The following HECTD4 variants were observed in gnomAD, a reference collection of about 807,000 sequenced individuals.
The protein encoded by HECTD4 is probable E3 ubiquitin-protein ligase HECTD4.
HECTD4 carries 114 observed loss-of-function variants against 471.5 expected under a neutral mutation model. The observed-to-expected ratio is 0.24, with a 90% CI of 0.21 to 0.28. The LOEUF is 0.28. HECTD4 is among the 10% of genes least tolerant of loss of function. HECTD4 has a pLI of 1.00. For synonymous variants in HECTD4, 2,012 were observed against 2,256.0 expected (o/e 0.89, Z 3.07); for missense variants, 3,866 against 5,651.5 (o/e 0.68, Z 10.13).
At chr12:112,284,531 G>T (rs1158136663) in intron 7 of HECTD4, among the ~76,000 whole-genome samples, 1 of 152,236 alleles carries the variant, frequency 6.6e-6, no homozygotes, top group African/African-American at 2.4e-5. Flanking sequence ...CCAAAGGTGG[G>T]TGTACGTAGT....
chr12:112,233,353 G>C (rs1425706698), intron 37 of HECTD4, among the ~76,000 whole-genome samples: 1 of 149,610 alleles, frequency 6.7e-6, no homozygotes, highest in Non-Finnish European at 1.5e-5. Flanking sequence ...CTCCCAAACA[G>C]CTGGGACCAC....
chr12:112,275,385 C>G (rs933393778), intron 9 of HECTD4, among the ~76,000 whole-genome samples: 4 of 152,166 alleles, frequency 2.6e-5, no homozygotes, highest in Non-Finnish European at 5.9e-5. Flanking sequence ...AATACTGGCT[C>G]TACAACTTGG....
intron 7 of HECTD4, among the ~76,000 whole-genome samples, chr12:112,294,423 TAGG>T (rs2034960282): frequency 6.6e-6 from 1 of 152,244 alleles, no homozygotes; most frequent in Non-Finnish European, 1.5e-5. Flanking sequence ...CAGCAAATCA[TAGG>T]AGGTCTATGG....
At chr12:112,169,380 C>T in intron 70 of HECTD4, 123 bp downstream of exon 70, 1 of 1,141,002 alleles carries the variant, frequency 8.8e-7, no homozygotes, top group South Asian at 1.6e-5. Flanking sequence ...GACCTGGCTT[C>T]TGCAGCACAA....
Position 112,235,437 on chromosome 12 carries a change from A to AG in HECTD4, c.5725+66dup. ...TTTCATCATAGGAAGCACAGATGCAAGGGGGACCTGACTGGGCACAGGAAT... is the reference window on the plus strand; with the variant it reads ...TTTCATCATAGGAAGCACAGATGCAAGGGGGGACCTGACTGGGCACAGGAAT... On this transcript the variant is annotated intron_variant, in intron 36 of 75. Coordinates refer to ENST00000682272, the MANE Select transcript of HECTD4 (RefSeq NM_001388303.1). This position sits in a 1 kb window ranked among gnomAD's most constrained non-coding sequence, Gnocchi z 5.0. 6.5e-7 allele frequency: 1 copy of AG among 1,537,328 alleles called. No homozygotes were observed. The highest frequency in any genetic ancestry group is 8.8e-7 in the Non-Finnish European group (1 of 1,140,636).
intron 1 of HECTD4, among the ~76,000 whole-genome samples, chr12:112,332,823 A>AC (rs1594052334): frequency 6.6e-6 from 1 of 150,946 alleles, no homozygotes; most frequent in African/African-American, 2.4e-5. Context: ...AAAAAAAAAA[A>AC]CAAAAATCCT....
chr12:112,380,603 C>T (rs994796807), intron 1 of HECTD4, among the ~76,000 whole-genome samples: 10 of 152,130 alleles, frequency 6.6e-5, no homozygotes, highest in Non-Finnish European at 1.5e-4. Flanking sequence ...TGTTATAGAA[C>T]AGGCCCAAAT....
chr12:112,254,469 GTACA>G (rs1214325280), intron 21 of HECTD4, among the ~76,000 whole-genome samples: 1 of 152,044 alleles, frequency 6.6e-6, no homozygotes, highest in Admixed American at 6.6e-5. Flanking sequence ...CTCAGTTATT[GTACA>G]TCAATATTTT....
At chr12:112,372,064 C>T (rs1192455353) in intron 1 of HECTD4, among the ~76,000 whole-genome samples, 1 of 151,582 alleles carries the variant, frequency 6.6e-6, no homozygotes, top group South Asian at 2.1e-4. Flanking sequence ...CAACATAGCA[C>T]CTTATAAAGA....
At chr12:112,357,985 T>C (rs2036376216) in intron 1 of HECTD4, among the ~76,000 whole-genome samples, 2 of 152,202 alleles carry the variant, frequency 1.3e-5, no homozygotes, top group South Asian at 4.2e-4. Context: ...GGCGGATCAC[T>C]TGAGGTGAGG....
At chr12:112,208,428 T>A in intron 51 of HECTD4, 66 bp downstream of exon 51, 1 of 1,451,866 alleles carries the variant, frequency 6.9e-7, no homozygotes, top group Non-Finnish European at 9.1e-7. Flanking sequence ...CCTCCAGGCT[T>A]GTCCTAGTCA....
chr12:112,169,383 C>T (rs2031121343), intron 70 of HECTD4, 120 bp downstream of exon 70: 2 of 1,161,426 alleles, frequency 1.7e-6, no homozygotes, highest in Admixed American at 2.7e-5. Context: ...CTGGCTTCTG[C>T]AGCACAAGTG....
rs765390631 is a variant in HECTD4 at position 112,179,163 on chromosome 12, C to G, written c.11211+11G>C. The G allele has an allele frequency of 6.2e-7, 1 of 1,613,278 alleles. No individual in the cohort carries two copies. The highest frequency in any genetic ancestry group is 1.7e-5 in the Admixed American group (1 of 59,916). Reference sequence around the variant, plus strand: ...AGGCCCGGCCTGGGTATGGTGGGGACGGGCAGCTACCTGGGTGAGCTGATC... The same window carrying G: ...AGGCCCGGCCTGGGTATGGTGGGGAGGGGCAGCTACCTGGGTGAGCTGATC... On this transcript the variant is annotated intron_variant, in intron 63 of 75. Coordinates refer to ENST00000682272, the MANE Select transcript of HECTD4 (RefSeq NM_001388303.1). This position sits in a 1 kb window ranked among gnomAD's most constrained non-coding sequence, Gnocchi z 4.3.
At chr12:112,346,589 C>T (rs966000977) in intron 1 of HECTD4, among the ~76,000 whole-genome samples, 4 of 152,162 alleles carry the variant, frequency 2.6e-5, no homozygotes, top group African/African-American at 9.7e-5. Flanking sequence ...AAAACCTAGA[C>T]CATCTATAGT....
chr12:112,179,008 G>T lies in HECTD4; in HGVS notation c.11286C>A (p.His3762Gln). ...GCTTGGTGCTCACCACCTTCACGGG[G>T]TGCTGCTCCTTCCCGGCCTTGCTGT... ...SKYSKAGKEQ[H>Q]PVKVVSTKRP... The change falls in exon 64 of 76, where the codon CAC becomes CAA. Residue 3762 changes from histidine (H) to glutamine (Q), a missense_variant. By Grantham distance (24) the His-to-Gln change is conservative (BLOSUM62 0). Transcript: ENST00000682272. The surrounding 1 kb of genome is among the most constrained non-coding windows in gnomAD (Gnocchi z 4.3). 1 of 1,613,704 alleles carries T rather than the reference G, an allele frequency of 6.2e-7. No individual in the cohort carries two copies. Among genetic ancestry groups the T allele is most frequent in the Non-Finnish European group, 8.5e-7 (1 of 1,179,846 alleles).
intron 62 of HECTD4, among the ~76,000 whole-genome samples, chr12:112,180,926 T>C (rs941318178): frequency 3.3e-5 from 5 of 151,846 alleles, no homozygotes; most frequent in Non-Finnish European, 7.4e-5. Context: ...TTTACTGCAG[T>C]ATTTTAATCA....
At chr12:112,171,980 C>T (rs1490038553) in intron 67 of HECTD4, among the ~76,000 whole-genome samples, 3 of 152,100 alleles carry the variant, frequency 2.0e-5, no homozygotes, top group Admixed American at 6.5e-5. Flanking sequence ...CTTGGTTCAC[C>T]ACAACCTCCA....
chr12:112,317,521 C>T (rs994165894), intron 2 of HECTD4, among the ~76,000 whole-genome samples: 2 of 152,190 alleles, frequency 1.3e-5, no homozygotes, highest in Non-Finnish European at 2.9e-5. Flanking sequence ...AAAAATTCTA[C>T]GGAAGACAGA....
Position 112,239,058 on chromosome 12 carries a change from C to T in HECTD4, c.5284G>A (p.Glu1762Lys). ...LANRCVEWEK[E>K]EGGSTEAVHS... is the part of the protein sequence containing the mutation. Reference sequence around the variant, plus strand: ...AAGGAGTCTGGCATCTCACCTTCCTCTTTTTCCCACTCAACACAGCGGTTG... The same window carrying T: ...AAGGAGTCTGGCATCTCACCTTCCTTTTTTTCCCACTCAACACAGCGGTTG... Residue 1762 changes from glutamate to lysine, a missense_variant, in exon 34 of 76, where the codon GAG becomes AAG. Glu to Lys is a moderately conservative substitution (Grantham distance 56). This residue lies in a region of HECTD4 where 229 missense variants were observed against 386.4 expected (regional missense o/e 0.59). Coordinates refer to ENST00000682272, the MANE Select transcript of HECTD4 (RefSeq NM_001388303.1). The surrounding 1 kb of genome is among the most constrained non-coding windows in gnomAD (Gnocchi z 4.9). The T allele has an allele frequency of 6.2e-7, 1 of 1,610,828 alleles. No homozygotes were observed. Among genetic ancestry groups the T allele is most frequent in the Non-Finnish European group, 8.5e-7 (1 of 1,178,508 alleles).
Sources: allele counts gnomAD v4.1 joint callset (sites outside exome capture counted in the v4.1 genomes callset), GRCh38; gene constraint gnomAD v4.1.1; regional missense constraint gnomAD v4.1.1; non-coding constraint Gnocchi (gnomAD v3.1); transcripts MANE v1.5; gene names NCBI Gene and HGNC (gene_info 2026-07-23, HGNC 2026-07-21).